Variants in AGMO observed in about 807,000 individuals in gnomAD.
AGMO encodes the protein glyceryl-ether monooxygenase.
Under a neutral mutation model 60.2 loss-of-function variants are expected in AGMO, and 75 were observed. The observed-to-expected ratio is 1.25, with a 90% CI of 1.03 to 1.51. The LOEUF (loss-of-function observed/expected upper bound fraction) is 1.51, where lower values mean the gene tolerates loss of function less well. Ranked by LOEUF, AGMO falls within the 40% of genes most tolerant of loss-of-function variation. The pLI is 0.00. For synonymous variants in AGMO, 261 were observed against 177.1 expected (o/e 1.47, Z -3.76); for missense variants, 763 against 525.5 (o/e 1.45, Z -4.42).
At chr7:15,302,374 G>C (rs758059807) in intron 12 of AGMO, among the ~76,000 whole-genome samples, 1 of 152,036 alleles carries the variant, frequency 6.6e-6, no homozygotes, top group Non-Finnish European at 1.5e-5. Flanking sequence ...ATTGGTTATG[G>C]ACTTTTAACA....
chr7:15,256,328 G>A (rs1306843131), intron 12 of AGMO, among the ~76,000 whole-genome samples: 2 of 152,090 alleles, frequency 1.3e-5, no homozygotes, highest in African/African-American at 2.4e-5. Context: ...TTGTAACAGA[G>A]CTGAAATTTT....
At chr7:15,364,440 C>CTA (rs1554262095) in intron 12 of AGMO, among the ~76,000 whole-genome samples, 1 of 151,904 alleles carries the variant, frequency 6.6e-6, no homozygotes, top group African/African-American at 2.4e-5. Flanking sequence ...CTTATTGGTA[C>CTA]TAAAGGGTTT....
intron 12 of AGMO, among the ~76,000 whole-genome samples, chr7:15,310,242 TGTA>T (rs1329289935): frequency 6.6e-6 from 1 of 152,176 alleles, no homozygotes; most frequent in Non-Finnish European, 1.5e-5. Context: ...AAAAATCACA[TGTA>T]GTAAATGATC....
chr7:15,343,945 A>C (rs546564243), intron 12 of AGMO, among the ~76,000 whole-genome samples: 1 of 152,282 alleles, frequency 6.6e-6, no homozygotes, highest in South Asian at 2.1e-4. Context: ...GATTTAGAAA[A>C]CAATAATAAT....
chr7:15,193,241 A>G, the AGMO span, among the ~76,000 whole-genome samples: 1 of 81,048 alleles, frequency 1.2e-5, no homozygotes, highest in African/African-American at 9.4e-5. Context: ...CAAATGTATG[A>G]TATTTTCTAA....
At chr7:15,546,828 TG>T (rs1362647683) in intron 2 of AGMO, among the ~76,000 whole-genome samples, 1 of 152,234 alleles carries the variant, frequency 6.6e-6, no homozygotes, top group Non-Finnish European at 1.5e-5. Context: ...TGGTTACTTT[TG>T]CATGTTCAGA....
Position 15,394,108 on chromosome 7 carries a change from C to T in AGMO, c.676+5G>A. 1.2e-6 allele frequency: 2 copies of T among 1,605,144 alleles called. No individual in the cohort carries two copies. Among genetic ancestry groups the T allele is most frequent in the Non-Finnish European group, 1.7e-6 (2 of 1,173,828 alleles). ...GAAAAGAGAGAAGAAACAAAACTTC[C>T]TTACCATGATGAACCCTATGATGGC... On this transcript the variant is annotated splice_donor_5th_base_variant and intron_variant, in intron 6 of 12. Coordinates refer to ENST00000342526, the MANE Select transcript of AGMO (RefSeq NM_001004320.2).
At chr7:15,401,698 A>G (rs1784556055) in intron 5 of AGMO, among the ~76,000 whole-genome samples, 1 of 152,178 alleles carries the variant, frequency 6.6e-6, no homozygotes. Context: ...CATCCCAAAT[A>G]AAAGATGCTT....
At chr7:15,238,663 AT>A (rs1194425648) in intron 12 of AGMO, among the ~76,000 whole-genome samples, 4 of 151,856 alleles carry the variant, frequency 2.6e-5, no homozygotes, top group Admixed American at 2.0e-4. Context: ...ATAAATTAAA[AT>A]TATTATATGT....
intron 3 of AGMO, among the ~76,000 whole-genome samples, chr7:15,490,020 C>G (rs751891107): frequency 6.6e-6 from 1 of 152,220 alleles, no homozygotes; most frequent in East Asian, 1.9e-4. Flanking sequence ...ACATGGCACA[C>G]TGAATGGAAA....
chr7:15,348,243 C>T (rs1289991022), intron 12 of AGMO, among the ~76,000 whole-genome samples: 1 of 152,022 alleles, frequency 6.6e-6, no homozygotes. Flanking sequence ...CACCTGAACT[C>T]ATTCATCTGT....
At chr7:15,372,380 TG>T (rs538649869) in intron 10 of AGMO, among the ~76,000 whole-genome samples, 61 of 152,222 alleles carry the variant, frequency 4.0e-4, no homozygotes, top group African/African-American at 1.4e-3. Context: ...TGTTTGAACC[TG>T]GGAAGCAGAG....
At chr7:15,548,848 C>A (rs1295432955) in intron 2 of AGMO, among the ~76,000 whole-genome samples, 3 of 152,008 alleles carry the variant, frequency 2.0e-5, no homozygotes, top group African/African-American at 7.3e-5. Flanking sequence ...AAGGGCAACT[C>A]CAAGACACAT....
chr7:15,137,127 T>A, the AGMO span, among the ~76,000 whole-genome samples: 1 of 152,326 alleles, frequency 6.6e-6, no homozygotes, highest in East Asian at 1.9e-4. Flanking sequence ...CAAAATTATT[T>A]TATCTTAGAA....
chr7:15,492,793 G>T (rs779329405), intron 3 of AGMO, among the ~76,000 whole-genome samples: 3 of 152,010 alleles, frequency 2.0e-5, no homozygotes, highest in Non-Finnish European at 4.4e-5. Context: ...GAGAAAAAGG[G>T]GAAGGAAGAT....
intron 3 of AGMO, among the ~76,000 whole-genome samples, chr7:15,484,484 T>C (rs1183207435): frequency 2.6e-5 from 4 of 152,178 alleles, no homozygotes; most frequent in Non-Finnish European, 5.9e-5. Flanking sequence ...GGATGGTGGA[T>C]ATATGGTGTG....
At chr7:15,388,065 G>A (rs1783996572) in intron 8 of AGMO, among the ~76,000 whole-genome samples, 1 of 152,050 alleles carries the variant, frequency 6.6e-6, no homozygotes, top group South Asian at 2.1e-4. Flanking sequence ...CTGCCACCAT[G>A]CCAGGCTAAT....
At chr7:15,481,477 A>G (rs1301430641) in intron 3 of AGMO, among the ~76,000 whole-genome samples, 1 of 152,190 alleles carries the variant, frequency 6.6e-6, no homozygotes, top group Non-Finnish European at 1.5e-5. Context: ...TCATAATGAT[A>G]AAAAGATCAG....
At chr7:15,387,322 G>C in intron 9 of AGMO, 84 bp downstream of exon 9, 1 of 1,452,760 alleles carries the variant, frequency 6.9e-7, no homozygotes, top group African/African-American at 1.4e-5. Context: ...AGATTTGCAT[G>C]AAAACAGCGT....
Sources: gnomAD v4.1 joint callset for allele counts (sites outside exome capture counted in the v4.1 genomes callset) on GRCh38, gnomAD v4.1.1 for gene constraint, MANE v1.5 for transcripts, NCBI Gene and HGNC (gene_info 2026-07-23, HGNC 2026-07-21) for gene names.